Variants in LRRC32 observed in about 807,000 individuals in gnomAD.
LRRC32 encodes transforming growth factor beta activator LRRC32.
In LRRC32, 5 loss-of-function variants were observed where a neutral mutation model predicts 15.0. That is an observed-to-expected ratio of 0.33 (90% CI 0.17 to 0.70). The LOEUF is 0.70. Among genes scored for constraint, LRRC32 ranks in the 30% least tolerant of loss-of-function variants. The probability of loss-of-function intolerance (pLI) is 0.66; values close to 1 mark genes in which losing one functional copy is unlikely to be tolerated. For synonymous variants in LRRC32, 391 were observed against 403.9 expected (o/e 0.97, Z 0.38); for missense variants, 803 against 854.2 (o/e 0.94, Z 0.75).
intron 2 of LRRC32, chr11:76,663,271 A>G (rs1192197467): frequency 2.6e-5 from 4 of 152,254 alleles, no homozygotes; most frequent in African/African-American, 7.2e-5. Flanking sequence ...AAGAAAATGC[A>G]TAATTGATAT....
intron 1 of LRRC32, among the ~76,000 whole-genome samples, chr11:76,667,540 G>A (rs1004052411): frequency 4.6e-5 from 7 of 152,228 alleles, no homozygotes; most frequent in African/African-American, 1.4e-4. Context: ...AGCCGGACCC[G>A]GTAAACCCTA....
chr11:76,660,367 A>T lies in LRRC32; in HGVS notation c.1226T>A (p.Leu409Gln), dbSNP rs1195427649. 7 of 1,613,232 alleles carry T rather than the reference A, an allele frequency of 4.3e-6. No individual in the cohort carries two copies. The highest frequency in any genetic ancestry group is 3.3e-5 in the Admixed American group (2 of 59,896). Reference protein sequence around the residue: ...RDLPPYTFANLASLQRLNLQG... With the variant: ...RDLPPYTFANQASLQRLNLQG... The stretch of plus-strand genomic sequence containing the variant: ...CAGGTTGAGCCGCTGCAGGCTGGCC[A>T]GATTGGCAAAGGTGTATGGGGGCAG... The change falls in exon 3 of 3, where the codon CTG (leucine) becomes CAG (glutamine). Residue 409 changes from leucine (L) to glutamine (Q), a missense_variant. Leu to Gln is a moderately radical substitution (Grantham distance 113, BLOSUM62 -2). Transcript: ENST00000260061.
chr11:76,667,470 T>C (rs943655641), intron 1 of LRRC32, among the ~76,000 whole-genome samples: 13 of 152,116 alleles, frequency 8.5e-5, no homozygotes, highest in African/African-American at 3.1e-4. Flanking sequence ...CCGCTAGTGA[T>C]GAGCTATGGA....
rs1434469985 is a variant in LRRC32 at position 76,658,317 on chromosome 11, T to A, written c.*1287A>T. 1.3e-5 allele frequency: 2 copies of A among 152,120 alleles called. No individual in the cohort carries two copies. Among genetic ancestry groups the A allele is most frequent in the Non-Finnish European group, 2.9e-5 (2 of 68,084 alleles). 9.4% of individuals were successfully genotyped at this position (152,120 alleles called of 1,614,324 possible). On this transcript the variant is annotated 3_prime_UTR_variant, in exon 3 of 3. Coordinates refer to ENST00000260061, the MANE Select transcript of LRRC32 (RefSeq NM_001128922.2). ...CTCTGCTCAATAGAGGAAAAGGGAATGAGAGAATGCAAGAGCACAGAGAGA... is the reference window on the plus strand; with the variant it reads ...CTCTGCTCAATAGAGGAAAAGGGAAAGAGAGAATGCAAGAGCACAGAGAGA...
intron 1 of LRRC32, among the ~76,000 whole-genome samples, chr11:76,669,402 A>T (rs866069998): frequency 2.1e-5 from 3 of 144,230 alleles, no homozygotes; most frequent in African/African-American, 7.5e-5. Flanking sequence ...AGAGAGAGAG[A>T]GTGAGAGAGA....
rs777594924 is a variant in LRRC32 at position 76,660,832 on chromosome 11, T to C, written c.761A>G (p.Lys254Arg). 2 of 1,613,894 alleles carry C rather than the reference T, an allele frequency of 1.2e-6. No individual in the cohort carries two copies. Among genetic ancestry groups the C allele is most frequent in the East Asian group, 2.2e-5 (1 of 44,870 alleles). The change falls in exon 3 of 3, where the codon AAA (lysine) becomes AGA (arginine). Residue 254 changes from lysine to arginine, a missense_variant. Lys to Arg is a conservative substitution (Grantham distance 26). Coordinates refer to ENST00000260061, the MANE Select transcript of LRRC32 (RefSeq NM_001128922.2). ...GGCCAGGTCGGGGAAATGGAGCAGT[T>C]TGTTCTCCCGCAGGTCAAGCCAGGT... ...QLTWLDLRENKLLHFPDLAAL... is the reference protein window; with the variant it reads ...QLTWLDLRENRLLHFPDLAAL...
At chr11:76,663,890 C>T (rs76533060) in intron 2 of LRRC32, 9 of 152,352 alleles carry the variant, frequency 5.9e-5, no homozygotes, top group East Asian at 3.9e-4. Context: ...GTACCCCTAA[C>T]GAAACTGAGG....
Position 76,660,254 on chromosome 11 carries a change from T to C in LRRC32, c.1339A>G (p.Ser447Gly). 1.9e-6 allele frequency: 3 copies of C among 1,575,812 alleles called. No homozygotes were observed. Among genetic ancestry groups the C allele is most frequent in the Non-Finnish European group, 1.7e-6 (2 of 1,163,236 alleles). ...ATCTCATTATCCACCAGGCTCAGGC[T>C]GCGGAGGGAGGTGATGCCGGAGAAG... Reference protein sequence around the residue: ...VAFSGITSLRSLSLVDNEIEL... With the variant: ...VAFSGITSLRGLSLVDNEIEL... Residue 447 changes from serine (S) to glycine (G), a missense_variant, in exon 3 of 3, where the codon AGC becomes GGC. Coordinates refer to ENST00000260061, the MANE Select transcript of LRRC32 (RefSeq NM_001128922.2).
At chr11:76,664,313 C>A (rs1952588669) in intron 2 of LRRC32, among the ~76,000 whole-genome samples, 1 of 152,246 alleles carries the variant, frequency 6.6e-6, no homozygotes, top group Non-Finnish European at 1.5e-5. Flanking sequence ...CAGGAAGAAG[C>A]TTGAAGTCCA....
Position 76,661,228 on chromosome 11 carries a change from G to A in LRRC32, c.365C>T (p.Pro122Leu). The A allele has an allele frequency of 1.2e-6, 2 of 1,613,886 alleles. No homozygotes were observed. Among genetic ancestry groups the A allele is most frequent in the South Asian group, 1.1e-5 (1 of 91,072 alleles). ...GTCCAGGGAGGTCACGCGTGGCAGG[G>A]GGCCCAGGCCACCAGCACTCAGCGC... is the stretch of plus-strand genomic sequence containing the variant. ...ATALSAGGLG[P>L]LPRVTSLDLS... Residue 122 changes from proline to leucine, a missense_variant, in exon 3 of 3, where the codon CCC (proline) becomes CTC (leucine). Pro to Leu is a moderately conservative substitution (Grantham distance 98). Coordinates refer to ENST00000260061, the MANE Select transcript of LRRC32 (RefSeq NM_001128922.2).
At position 76,665,929 on chromosome 11, in the gene LRRC32, A is replaced by G; in HGVS notation, c.26T>C (p.Leu9Pro). The change falls in exon 2 of 3, where the codon CTG (leucine) becomes CCG (proline). Residue 9 changes from leucine (L) to proline (P), a missense_variant. Physicochemically the swap from Leu to Pro is moderately conservative, Grantham distance 98 (BLOSUM62 -3). Transcript: ENST00000260061. ...AGCCAGGCCTAGGGTCAGCAGGGCC[A>G]GGAGCAGCAGGATCTGGGGTCTCAT... MRPQILLL[L>P]ALLTLGLAAQ... The G allele has an allele frequency of 6.2e-7, 1 of 1,614,084 alleles. No homozygotes were observed. The highest frequency in any genetic ancestry group is 8.5e-7 in the Non-Finnish European group (1 of 1,179,956).
At chr11:76,667,065 T>C (rs559934359) in intron 1 of LRRC32, among the ~76,000 whole-genome samples, 21 of 152,324 alleles carry the variant, frequency 1.4e-4, no homozygotes, top group Admixed American at 5.2e-4. Flanking sequence ...AGTCTCCTCA[T>C]TTGAGGTTAA....
In LRRC32 at chr11:76,660,658, C is replaced by T. The variant is rs753703404; in HGVS notation, c.935G>A (p.Arg312His). The change falls in exon 3 of 3, where the codon CGC becomes CAC. Residue 312 changes from arginine (R) to histidine (H), a missense_variant. By Grantham distance (29) the Arg-to-His change is conservative (BLOSUM62 0). Coordinates refer to ENST00000260061, the MANE Select transcript of LRRC32 (RefSeq NM_001128922.2). ...CAGATTCAAGAGCTGGGAAAGGGGGCGGCCGCTGGCATTCCCGCTGGGGGC... is the reference window on the plus strand; with the variant it reads ...CAGATTCAAGAGCTGGGAAAGGGGGTGGCCGCTGGCATTCCCGCTGGGGGC... ...LSAPSGNASG[R>H]PLSQLLNLDL... The T allele has an allele frequency of 5.1e-5, 83 of 1,613,886 alleles. No homozygotes were observed. The highest frequency in any genetic ancestry group is 6.7e-5 in the Admixed American group (4 of 59,990).
At chr11:76,662,202 A>C (rs1020965678) in intron 2 of LRRC32, among the ~76,000 whole-genome samples, 1 of 152,076 alleles carries the variant, frequency 6.6e-6, no homozygotes, top group Middle Eastern at 3.2e-3. Flanking sequence ...AGGCTGGGTC[A>C]GGGGACCGGG....
Position 76,660,239 on chromosome 11 carries a change from C to T in LRRC32, c.1354G>A (p.Asp452Asn), listed in dbSNP as rs1315036245. The change falls in exon 3 of 3, where the codon GAT becomes AAT. Residue 452 changes from aspartate to asparagine, a missense_variant. By Grantham distance (23) the Asp-to-Asn change is conservative (BLOSUM62 1). Coordinates refer to ENST00000260061, the MANE Select transcript of LRRC32 (RefSeq NM_001128922.2). The part of the protein sequence containing the change: ...ITSLRSLSLV[D>N]NEIELLRAGA... Reference sequence around the variant, plus strand: ...GCCCTGAGCAGCTCTATCTCATTATCCACCAGGCTCAGGCTGCGGAGGGAG... The same window carrying T: ...GCCCTGAGCAGCTCTATCTCATTATTCACCAGGCTCAGGCTGCGGAGGGAG... 6 of 1,574,644 alleles carry T rather than the reference C, an allele frequency of 3.8e-6. No homozygotes were observed. Among genetic ancestry groups the T allele is most frequent in the South Asian group, 2.4e-5 (2 of 83,918 alleles).
chr11:76,667,332 A>G (rs181765941), intron 1 of LRRC32, among the ~76,000 whole-genome samples: 129 of 152,296 alleles, frequency 8.5e-4, no homozygotes, highest in African/African-American at 3.0e-3. Flanking sequence ...GTGCCCTTCA[A>G]ATCCACACTC....
Position 76,657,555 on chromosome 11 carries a change from A to C in LRRC32, c.*2049T>G, listed in dbSNP as rs1483077857. On this transcript the variant is annotated 3_prime_UTR_variant, in exon 3 of 3. Transcript: ENST00000260061. ...TCCAAAATTAGTTTTTAATACATTC[A>C]GGTAGGTTATACAAAGAGTTGGTCC... 1 of 152,878 alleles carries C rather than the reference A, an allele frequency of 6.5e-6. No individual in the cohort carries two copies. The highest frequency in any genetic ancestry group is 1.5e-5 in the Non-Finnish European group (1 of 68,088). 9.5% of individuals were successfully genotyped at this position (152,878 alleles called of 1,614,324 possible).
intron 2 of LRRC32, chr11:76,663,646 C>G (rs1189494952): frequency 6.6e-6 from 1 of 152,374 alleles, no homozygotes; most frequent in East Asian, 1.9e-4. Flanking sequence ...AACCTGAAAC[C>G]TGCCCAGCTG....
At chr11:76,670,370 C>A (rs1952692117) in intron 1 of LRRC32, among the ~76,000 whole-genome samples, 1 of 152,224 alleles carries the variant, frequency 6.6e-6, no homozygotes, top group South Asian at 2.1e-4. Flanking sequence ...ATTGTTTTCC[C>A]AGCTGTCAAA....
Sources: gnomAD v4.1 joint callset for allele counts (sites outside exome capture counted in the v4.1 genomes callset) on GRCh38, gnomAD v4.1.1 for gene constraint, MANE v1.5 for transcripts, NCBI Gene and HGNC (gene_info 2026-07-23, HGNC 2026-07-21) for gene names.